POMGNT1: variants seen among roughly 807,000 people sequenced by gnomAD.
POMGNT1 encodes protein O-linked mannose N-acetylglucosaminyltransferase 1 (beta 1,2-).
In POMGNT1, 67 loss-of-function variants were observed where a neutral mutation model predicts 95.6. The ratio of observed to expected loss-of-function variants is 0.70; its 90% CI spans 0.58 to 0.86. The LOEUF is 0.86. Among genes scored for constraint, POMGNT1 ranks in the 40% least tolerant of loss-of-function variants. The pLI, the probability that POMGNT1 is intolerant of heterozygous loss-of-function variation, is 0.00. For synonymous variants in POMGNT1, 298 were observed against 317.9 expected (o/e 0.94, Z 0.66); for missense variants, 719 against 855.2 (o/e 0.84, Z 1.99).
intron 2 of POMGNT1, 27 bp downstream of exon 2, chr1:46,197,675 T>C: frequency 6.2e-7 from 1 of 1,613,578 alleles, no homozygotes; most frequent in Non-Finnish European, 8.5e-7. Flanking sequence ...GAGCGCTCGG[T>C]GGGGAGGGTT....
intron 1 of POMGNT1, among the ~76,000 whole-genome samples, chr1:46,212,344 G>T (rs973926572): frequency 2.0e-5 from 3 of 150,560 alleles, no homozygotes; most frequent in African/African-American, 7.4e-5. Context: ...GCAGTGGCGC[G>T]ATCTCAGCTC....
rs558052679 is a variant in POMGNT1, at chr1:46,197,090, G to T, written c.121-6C>A. On this transcript the variant is annotated splice_polypyrimidine_tract_variant and splice_region_variant and intron_variant, in intron 2 of 21. Transcript: ENST00000371984. ...AGGAAAAGCACGGCCCCTGTCTGAGGGGAGGGGTAGGGATGATTAAGAGGA... is the reference window on the plus strand; with the variant it reads ...AGGAAAAGCACGGCCCCTGTCTGAGTGGAGGGGTAGGGATGATTAAGAGGA... 2 of 1,614,154 alleles carry T rather than the reference G, an allele frequency of 1.2e-6. No individual in the cohort carries two copies. The highest frequency in any genetic ancestry group is 2.2e-5 in the South Asian group (2 of 91,076).
At chr1:46,195,640 G>C in intron 6 of POMGNT1, 171 bp downstream of exon 6, 1 of 719,516 alleles carries the variant, frequency 1.4e-6, no homozygotes. Flanking sequence ...TACAGCTGTT[G>C]CTCAATAACT....
rs1421437203 is a variant in POMGNT1, at chr1:46,194,161, C to T, written c.879+113G>A. ...CTTTCAGAGCGCAGTGTAAATCCTG[C>T]CCCTGGTTCTCTCCCAGGCTCAGGT... On this transcript the variant is annotated intron_variant, in intron 9 of 21. Coordinates refer to ENST00000371984, the MANE Select transcript of POMGNT1 (RefSeq NM_017739.4). 3 of 1,591,824 alleles carry T rather than the reference C, an allele frequency of 1.9e-6. No homozygotes were observed. In the Admixed American group the frequency reaches 5.3e-5, roughly 28 times the overall value.
upstream of POMGNT1, among the ~76,000 whole-genome samples, chr1:46,200,834 G>C (rs1303656509): frequency 3.3e-5 from 5 of 152,186 alleles, no homozygotes; most frequent in African/African-American, 7.2e-5. Flanking sequence ...AATCCAGAGT[G>C]ATTTTCTTTA....
intron 17 of POMGNT1, 172 bp downstream of exon 17, chr1:46,191,926 G>A (rs1350611436): frequency 3.6e-6 from 4 of 1,108,298 alleles, no homozygotes; most frequent in East Asian, 2.8e-5. Flanking sequence ...GAGCCACCGC[G>A]CCCAGCCCTT....
At chr1:46,215,772 C>T (rs1006077643) in intron 1 of POMGNT1, among the ~76,000 whole-genome samples, 2 of 152,080 alleles carry the variant, frequency 1.3e-5, no homozygotes, top group South Asian at 4.1e-4. Flanking sequence ...TAGGTACATG[C>T]CTGTAGTCCA....
intron 6 of POMGNT1, 130 bp downstream of exon 6, chr1:46,195,681 G>A: frequency 1.2e-6 from 1 of 857,264 alleles, no homozygotes; most frequent in Admixed American, 2.0e-5. Context: ...TGTTAAGGCT[G>A]AGATTGGAAC....
chr1:46,194,558 G>T lies in POMGNT1; in HGVS notation c.746C>A (p.Ala249Glu). The change falls in exon 8 of 22, where the codon GCA becomes GAA. Residue 249 changes from alanine to glutamate, a missense_variant. Ala to Glu is a moderately radical substitution (Grantham distance 107). This residue lies in a region of POMGNT1 where 466 missense variants were observed against 517.4 expected (regional missense o/e 0.90). Coordinates refer to ENST00000371984, the MANE Select transcript of POMGNT1 (RefSeq NM_017739.4). ...LLKTDVPLSS[A>E]EEAECHWADT... ...CCATGCTCCACTAACTCCACCTTCT[G>T]CTGAGCTCAATGGCACATCTGTCTT... 6.2e-7 allele frequency: 1 copy of T among 1,614,158 alleles called. No homozygotes were observed. Among genetic ancestry groups the T allele is most frequent in the Middle Eastern group, 1.6e-4 (1 of 6,062 alleles).
upstream of POMGNT1, among the ~76,000 whole-genome samples, chr1:46,201,472 G>A (rs1658529477): frequency 6.6e-6 from 1 of 152,108 alleles, no homozygotes; most frequent in Non-Finnish European, 1.5e-5. Flanking sequence ...GGCTGAGGCA[G>A]GCAGATCACG....
chr1:46,214,025 C>G (rs950072304), intron 1 of POMGNT1, among the ~76,000 whole-genome samples: 6 of 152,062 alleles, frequency 3.9e-5, no homozygotes, highest in Admixed American at 1.3e-4. Context: ...ACATCTGACC[C>G]TCTATATAGA....
chr1:46,199,231 C>T (rs948769095), upstream of POMGNT1, among the ~76,000 whole-genome samples: 29 of 152,188 alleles, frequency 1.9e-4, no homozygotes, highest in Non-Finnish European at 3.4e-4. Flanking sequence ...CAGTGAGCCA[C>T]CGTGCTGGCT....
chr1:46,191,601 C>A, intron 17 of POMGNT1: 1 of 231,852 alleles, frequency 4.3e-6, no homozygotes, highest in African/African-American at 2.3e-5. Flanking sequence ...TCATTTAAAC[C>A]TCAAAATATC....
intron 1 of POMGNT1, 81 bp from the exon 2 acceptor site, chr1:46,197,952 C>A: frequency 7.3e-7 from 1 of 1,367,798 alleles, no homozygotes; most frequent in South Asian, 1.3e-5. Flanking sequence ...GGAGGACCTC[C>A]CAGCAACTCT....
intron 1 of POMGNT1, among the ~76,000 whole-genome samples, chr1:46,219,447 GT>G (rs375739163): frequency 6.6e-6 from 1 of 152,330 alleles, no homozygotes; most frequent in East Asian, 1.9e-4. Flanking sequence ...CAGCTACCCT[GT>G]GAGGTAAGTG....
At chr1:46,193,446 C>A (rs1463453211) in intron 11 of POMGNT1, 58 bp from the exon 12 acceptor site, 1 of 1,605,430 alleles carries the variant, frequency 6.2e-7, no homozygotes, top group Non-Finnish European at 8.5e-7. Context: ...CCCACCTCTG[C>A]AATCCAAGGC....
At chr1:46,201,589 C>T (rs1010130140), upstream of POMGNT1, among the ~76,000 whole-genome samples, 7 of 151,150 alleles carry the variant, frequency 4.6e-5, no homozygotes, top group Non-Finnish European at 8.8e-5. Flanking sequence ...ATCCCAGCTA[C>T]TCAGGAGGCT....
chr1:46,188,984 G>T lies in POMGNT1; in HGVS notation c.*286C>A. On this transcript the variant is annotated 3_prime_UTR_variant, in exon 22 of 22. Coordinates refer to ENST00000371984, the MANE Select transcript of POMGNT1 (RefSeq NM_017739.4). ...TAGGTTAGATTCTGAGCCAGGCCTG[G>T]AAAGTGAGGGTATTCAAAGGGCAGG... 1 of 1,605,948 alleles carries T rather than the reference G, an allele frequency of 6.2e-7. No homozygotes were observed. The highest frequency in any genetic ancestry group is 8.5e-7 in the Non-Finnish European group (1 of 1,175,362).
Position 46,193,376 on chromosome 1 carries a change from C to T in POMGNT1, c.1039G>A (p.Val347Met). Reference protein sequence around the residue: ...IDGYYEEPMDVVALFGLRGIQ... With the variant: ...IDGYYEEPMDMVALFGLRGIQ... The stretch of plus-strand genomic sequence containing the variant: ...CCCCTCAGACCAAACAGTGCCACCA[C>T]ATCCATGGGTTCCTGGGGGACATGG... The change falls in exon 12 of 22, where the codon GTG (valine) becomes ATG (methionine). Residue 347 changes from valine to methionine, a missense_variant. Val to Met is a conservative substitution (Grantham distance 21, BLOSUM62 1). Coordinates refer to ENST00000371984, the MANE Select transcript of POMGNT1 (RefSeq NM_017739.4). The T allele has an allele frequency of 1.2e-6, 2 of 1,612,838 alleles. No individual in the cohort carries two copies. The highest frequency in any genetic ancestry group is 1.7e-6 in the Non-Finnish European group (2 of 1,179,456).
Sources: allele counts gnomAD v4.1 joint callset (sites outside exome capture counted in the v4.1 genomes callset), GRCh38; gene constraint gnomAD v4.1.1; regional missense constraint gnomAD v4.1.1; transcripts MANE v1.5; gene names NCBI Gene and HGNC (gene_info 2026-07-23, HGNC 2026-07-21).